The following FBXO11 variants were observed in gnomAD, a reference collection of about 807,000 sequenced individuals.
FBXO11 encodes F-box only protein 11.
Under a neutral mutation model 117.0 loss-of-function variants are expected in FBXO11, and 13 were observed. The observed-to-expected ratio is 0.11, with a 90% CI of 0.07 to 0.18. The LOEUF is 0.18. Among genes scored for constraint, FBXO11 ranks in the 10% least tolerant of loss-of-function variants. The probability of loss-of-function intolerance (pLI) is 1.00; values close to 1 mark genes in which losing one functional copy is unlikely to be tolerated. For synonymous variants in FBXO11, 490 were observed against 380.5 expected, an observed-to-expected ratio of 1.29 and a Z score of -3.35; for missense variants, 767 against 1,164.4, an observed-to-expected ratio of 0.66 and a Z score of 4.97.
intron 1 of FBXO11, among the ~76,000 whole-genome samples, chr2:47,862,352 T>C (rs769474152): frequency 1.9e-4 from 29 of 152,334 alleles, no homozygotes; most frequent in Non-Finnish European, 3.4e-4. Context: ...AGAGCAGTAA[T>C]AGCCTGAAAT....
chr2:47,823,392 A>G, intron 11 of FBXO11, 32 bp from the exon 12 acceptor site: 1 of 1,464,198 alleles, frequency 6.8e-7, no homozygotes, highest in Non-Finnish European at 9.3e-7. Context: ...TCTGTAGGTA[A>G]AGCCTACTTT....
At chr2:47,893,507 C>T (rs1240951129) in intron 1 of FBXO11, among the ~76,000 whole-genome samples, 6 of 152,230 alleles carry the variant, frequency 3.9e-5, no homozygotes, top group South Asian at 4.1e-4. Context: ...AAGTTGATTT[C>T]TACTTGTTAG....
At chr2:47,895,113 T>C (rs774156212) in intron 1 of FBXO11, among the ~76,000 whole-genome samples, 5 of 152,154 alleles carry the variant, frequency 3.3e-5, no homozygotes, top group African/African-American at 4.8e-5. Context: ...AGCAATGATA[T>C]ATGCTGAGGT....
At chr2:47,903,504 A>C (rs928231191) in intron 1 of FBXO11, among the ~76,000 whole-genome samples, 1 of 152,202 alleles carries the variant, frequency 6.6e-6, no homozygotes, top group Non-Finnish European at 1.5e-5. Context: ...CTCACATAGA[A>C]ATGAAAATAG....
intron 16 of FBXO11, 199 bp downstream of exon 16, chr2:47,818,580 A>G: frequency 1.9e-6 from 1 of 515,294 alleles, no homozygotes. Context: ...CTTATGGCAC[A>G]TGTGCCAGTG....
At chr2:47,901,154 C>CAT (rs374335784) in intron 1 of FBXO11, among the ~76,000 whole-genome samples, 2 of 109,314 alleles carry the variant, frequency 1.8e-5, no homozygotes, top group Non-Finnish European at 3.8e-5. Context: ...CACGTGTGTA[C>CAT]ATATATACAT....
At chr2:47,886,225 T>C (rs186542287) in intron 1 of FBXO11, among the ~76,000 whole-genome samples, 1 of 152,146 alleles carries the variant, frequency 6.6e-6, no homozygotes, top group Admixed American at 6.5e-5. Context: ...AGTGAACCTT[T>C]CGCCAGGCAC....
chr2:47,809,446 A>G lies in FBXO11; in HGVS notation c.2446+154T>C, dbSNP rs946924559. The G allele has an allele frequency of 1.3e-5, 9 of 689,630 alleles. No individual in the cohort carries two copies. The African/African-American group carries it at 1.6e-4, about 13-fold the overall frequency. The allele number at this position is 689,630 out of a possible 1,614,324, so 42.7% of individuals were successfully genotyped here. A position where few individuals can be genotyped will look rare whatever the true frequency, so the allele number is the denominator to read the frequency against. Reference sequence around the variant, plus strand: ...GAATTTTCCTTGTATAAGATACTCCAACCATTTAGAACCAAAGCTCTGTTT... The same window carrying G: ...GAATTTTCCTTGTATAAGATACTCCGACCATTTAGAACCAAAGCTCTGTTT... On this transcript the variant is annotated intron_variant, in intron 20 of 22. Transcript: ENST00000403359.
chr2:47,862,813 C>T (rs1412678918), intron 1 of FBXO11, among the ~76,000 whole-genome samples: 3 of 151,966 alleles, frequency 2.0e-5, no homozygotes, highest in South Asian at 2.1e-4. Flanking sequence ...CCAGCACTTT[C>T]GGAGGCTGAG....
chr2:47,808,711 G>A, intron 21 of FBXO11: 1 of 342,040 alleles, frequency 2.9e-6, no homozygotes, highest in Non-Finnish European at 5.3e-6. Flanking sequence ...AATTTTTGGA[G>A]GCGTGAAGAG....
At chr2:47,880,121 G>A (rs1224238079) in intron 1 of FBXO11, among the ~76,000 whole-genome samples, 2 of 151,582 alleles carry the variant, frequency 1.3e-5, no homozygotes, top group African/African-American at 4.9e-5. Flanking sequence ...ACAGCCTCCC[G>A]AGTTGCTGGG....
chr2:47,843,417 T>C (rs1673163715), intron 1 of FBXO11, among the ~76,000 whole-genome samples: 1 of 151,860 alleles, frequency 6.6e-6, no homozygotes, highest in Admixed American at 6.6e-5. Flanking sequence ...TCTCCCACCA[T>C]ATTTGTAGTT....
In FBXO11 at chr2:47,829,369, T is replaced by TA. The variant is rs1481875545; in HGVS notation, c.1398+2979dup. Among the ~76,000 whole-genome samples, 5 of 152,018 alleles carry TA rather than the reference T, an allele frequency of 3.3e-5. No individual in the cohort carries two copies. The East Asian group carries it at 9.7e-4, about 29-fold the overall frequency. On this transcript the variant is annotated intron_variant, in intron 11 of 22. Transcript: ENST00000403359. Reference sequence around the variant, plus strand: ...GATTCTCTTGCCTTAGCCTCTCGAGTAGCTGGGACTTGAGGCGTGCACCAA... The same window carrying TA: ...GATTCTCTTGCCTTAGCCTCTCGAGTAAGCTGGGACTTGAGGCGTGCACCAA...
intron 1 of FBXO11, among the ~76,000 whole-genome samples, chr2:47,846,971 G>A (rs767672867): frequency 2.8e-4 from 42 of 152,128 alleles, no homozygotes; most frequent in Non-Finnish European, 7.3e-5. Context: ...AAGGCTGGTC[G>A]TGGTGGCTCA....
intron 11 of FBXO11, among the ~76,000 whole-genome samples, chr2:47,828,086 C>T (rs1671899052): frequency 6.6e-6 from 1 of 151,470 alleles, no homozygotes; most frequent in Admixed American, 6.6e-5. Flanking sequence ...CTCAATCAAT[C>T]CTCTTGCCTC....
At chr2:47,902,208 A>G (rs1219095014) in intron 1 of FBXO11, among the ~76,000 whole-genome samples, 1 of 152,268 alleles carries the variant, frequency 6.6e-6, no homozygotes, top group African/African-American at 2.4e-5. Context: ...TGCTGGGATT[A>G]CAGGCGTGAG....
intron 5 of FBXO11, 22 bp from the exon 6 acceptor site, chr2:47,834,893 A>C (rs1286164016): frequency 1.9e-6 from 3 of 1,553,828 alleles, no homozygotes; most frequent in Non-Finnish European, 2.7e-6. Context: ...AAAACAAAAC[A>C]AAACCATTGA....
chr2:47,903,309 C>T (rs1572938687), intron 1 of FBXO11, among the ~76,000 whole-genome samples: 1 of 152,140 alleles, frequency 6.6e-6, no homozygotes, highest in Non-Finnish European at 1.5e-5. Context: ...CTGCTCTGTG[C>T]CAACACAGAA....
At position 47,828,904 on chromosome 2, in the gene FBXO11, A is replaced by C. The variant is rs545408104; in HGVS notation, c.1398+3445T>G. ...TAAAGTGATGAAATCTAATGGCATG[A>C]ATATGCCATGAATTTTTTTATTTTT... On this transcript the variant is annotated intron_variant, in intron 11 of 22. Coordinates refer to ENST00000403359, the MANE Select transcript of FBXO11 (RefSeq NM_001190274.2). Among the ~76,000 whole-genome samples the C allele has an allele frequency of 1.3e-3, 205 of 152,288 alleles. 1 individual carries two copies. The highest frequency in any genetic ancestry group is 4.5e-3 in the African/African-American group (186 of 41,556).
Sources: allele counts gnomAD v4.1 joint callset (sites outside exome capture counted in the v4.1 genomes callset), GRCh38; gene constraint gnomAD v4.1.1; transcripts MANE v1.5; gene names NCBI Gene and HGNC (gene_info 2026-07-23, HGNC 2026-07-21).